Variants in SLC13A2 observed in about 807,000 individuals in gnomAD.
SLC13A2 encodes the protein solute carrier family 13 member 2, also known as Na(+)-coupled citrate transporter.
A neutral mutation model predicts 58.5 loss-of-function variants in SLC13A2; 40 were observed. The ratio of observed to expected loss-of-function variants is 0.68; its 90% CI spans 0.53 to 0.89. The LOEUF (loss-of-function observed/expected upper bound fraction) is 0.89. Ranked by LOEUF, SLC13A2 falls within the 40% of genes least tolerant of loss-of-function variation. The pLI, the probability that SLC13A2 is intolerant of heterozygous loss-of-function variation, is 0.00. For missense variants in SLC13A2, 694 were observed against 772.6 expected, an observed-to-expected ratio of 0.90 and a Z score of 1.21; for synonymous variants, 341 against 331.6, an observed-to-expected ratio of 1.03 and a Z score of -0.31.
chr17:28,477,530 GCACA>G lies in SLC13A2; in HGVS notation c.102+3719_102+3722del, dbSNP rs2068710146. ...TTTGAATGAAGAAAGGAAGGAATGTGCACACAGTGGATCCTGACCTGCATCCCTG... is the reference window on the plus strand; with the variant it reads ...TTTGAATGAAGAAAGGAAGGAATGTGCAGTGGATCCTGACCTGCATCCCTG... On this transcript the variant is annotated intron_variant, in intron 1 of 11. Coordinates refer to ENST00000314669, the MANE Select transcript of SLC13A2 (RefSeq NM_003984.4). 2.0e-5 allele frequency among the ~76,000 whole-genome samples: 3 copies of G among 152,026 alleles called. No homozygotes were observed. In the East Asian group the frequency reaches 5.9e-4, roughly 30 times the overall value.
At position 28,490,600 on chromosome 17, in the gene SLC13A2, T is replaced by C; in HGVS notation, c.368+10T>C. On this transcript the variant is annotated intron_variant, in intron 3 of 11. Transcript: ENST00000314669. ...GGGTGCGGCCTGCCCCGTGAGTTCCTCCTGCAAACCAGCACGGGAGAACCT... is the reference window on the plus strand; with the variant it reads ...GGGTGCGGCCTGCCCCGTGAGTTCCCCCTGCAAACCAGCACGGGAGAACCT... 1 of 1,593,306 alleles carries C rather than the reference T, an allele frequency of 6.3e-7. No individual in the cohort carries two copies. Among genetic ancestry groups the C allele is most frequent in the Non-Finnish European group, 8.6e-7 (1 of 1,165,776 alleles).
intron 4 of SLC13A2, 104 bp from the exon 5 acceptor site, chr17:28,491,333 G>A: frequency 7.8e-7 from 1 of 1,280,648 alleles, no homozygotes; most frequent in South Asian, 1.3e-5. Context: ...GCCCCGGTCT[G>A]GGCTGTTCAC....
Position 28,491,597 on chromosome 17 carries a change from G to A in SLC13A2, c.735G>A (p.Val245=). The A allele has an allele frequency of 1.9e-6, 3 of 1,613,370 alleles. No individual in the cohort carries two copies. The highest frequency in any genetic ancestry group is 2.5e-6 in the Non-Finnish European group (3 of 1,179,976). ...TGACTGGCACCGCACCCAACCTGGT[G>A]CTGCAAGGCCAGATCAACTCGTGAG... ...ATLTGTAPNL[V]LQGQINSLFP... The change falls in exon 5 of 12, where the codon GTG becomes GTA. Residue 245 remains valine (V), a synonymous_variant. Transcript: ENST00000314669.
At chr17:28,479,896 T>C (rs2068753374) in intron 1 of SLC13A2, among the ~76,000 whole-genome samples, 1 of 152,180 alleles carries the variant, frequency 6.6e-6, no homozygotes, top group Non-Finnish European at 1.5e-5. Context: ...GGCTCATGCC[T>C]GCAATCCCAG....
At chr17:28,490,972 C>A in intron 4 of SLC13A2, 66 bp downstream of exon 4, 1 of 1,420,350 alleles carries the variant, frequency 7.0e-7, no homozygotes, top group Non-Finnish European at 9.5e-7. Flanking sequence ...GAGGGTCTGT[C>A]CGTTTCGAGG....
At chr17:28,480,281 C>T (rs2068762059) in intron 1 of SLC13A2, among the ~76,000 whole-genome samples, 1 of 151,980 alleles carries the variant, frequency 6.6e-6, no homozygotes. Flanking sequence ...CTGAAGTGAG[C>T]AGTGATCATG....
intron 1 of SLC13A2, among the ~76,000 whole-genome samples, chr17:28,480,431 CA>C (rs2068763984): frequency 6.6e-6 from 1 of 152,202 alleles, no homozygotes; most frequent in Non-Finnish European, 1.5e-5. Context: ...GAAAACTATA[CA>C]AGGAATTTGG....
chr17:28,473,876 C>T (rs957471705), intron 1 of SLC13A2, 62 bp downstream of exon 1: 17 of 1,428,858 alleles, frequency 1.2e-5, no homozygotes, highest in East Asian at 7.1e-5. Context: ...CTGTCTGGGC[C>T]GGGGTTGGGC....
intron 1 of SLC13A2, among the ~76,000 whole-genome samples, chr17:28,475,815 G>A (rs1370477611): frequency 6.6e-6 from 1 of 152,048 alleles, no homozygotes; most frequent in Non-Finnish European, 1.5e-5. Flanking sequence ...TGACTCTGAG[G>A]TTCCTTCTCC....
intron 1 of SLC13A2, among the ~76,000 whole-genome samples, chr17:28,483,465 CAA>C (rs57271856): frequency 3.8e-4 from 53 of 138,982 alleles, no homozygotes; most frequent in African/African-American, 1.4e-3. Flanking sequence ...CTCATCTCTA[CAA>C]AAAAAAAAAA....
At chr17:28,490,303 G>T (rs1555602939) in intron 2 of SLC13A2, 151 bp from the exon 3 acceptor site, 3 of 1,580,132 alleles carry the variant, frequency 1.9e-6, no homozygotes, top group East Asian at 2.3e-5. Context: ...TTTTTAAATG[G>T]CAGATCATTC....
Position 28,474,367 on chromosome 17 carries a change from A to G in SLC13A2, c.102+553A>G, listed in dbSNP as rs199680768. On this transcript the variant is annotated intron_variant, in intron 1 of 11. Transcript: ENST00000314669. ...TGGAAGAGGGGACCGCTGCAGGTAG[A>G]CAGCACAAAAACTGTGCCCTGGATG... Among the ~76,000 whole-genome samples, 5 of 152,272 alleles carry G rather than the reference A, an allele frequency of 3.3e-5. No homozygotes were observed. In the East Asian group the frequency reaches 9.7e-4, roughly 29 times the overall value.
In SLC13A2 at chr17:28,495,697, C is replaced by T. The variant is rs1221545228; in HGVS notation, c.1351C>T (p.Leu451=). Residue 451 remains leucine (L), a synonymous_variant, in exon 10 of 12, where the codon CTG becomes TTG. Coordinates refer to ENST00000314669, the MANE Select transcript of SLC13A2 (RefSeq NM_003984.4). ...GTGGCTGGGAAACAAGCTGACCCCA[C>T]TGCAGAGTGTGCCAGCTCCAGCCAT... ...SEWLGNKLTP[L]QSVPAPAIAI... is the part of the protein sequence containing the mutation. The T allele has an allele frequency of 1.2e-6, 2 of 1,612,110 alleles. No individual in the cohort carries two copies. The highest frequency in any genetic ancestry group is 1.7e-5 in the Admixed American group (1 of 59,996).
rs144449087 is a variant in SLC13A2, at chr17:28,490,837, G to A, written c.505G>A (p.Glu169Lys). 1.1e-5 allele frequency: 18 copies of A among 1,613,998 alleles called. No homozygotes were observed. In the East Asian group the frequency reaches 1.6e-4, roughly 14 times the overall value. The part of the protein sequence containing the change: ...LHSSQASSNV[E>K]EGSNNPTFEL... ...CAGCTCGCAAGCCAGCAGCAACGTC[G>A]AGGAGGGCAGCAACAACCCCACCTT... The change falls in exon 4 of 12, where the codon GAG (glutamate) becomes AAG (lysine). Residue 169 changes from glutamate to lysine, a missense_variant. Transcript: ENST00000314669.
chr17:28,496,560 T>C lies in SLC13A2; in HGVS notation c.1581T>C (p.Ser527=). Residue 527 remains serine, a synonymous_variant, in exon 11 of 12, where the codon TCT becomes TCC. Coordinates refer to ENST00000314669, the MANE Select transcript of SLC13A2 (RefSeq NM_003984.4). The surrounding 1 kb of genome is among the most constrained non-coding windows in gnomAD (Gnocchi z 4.2). The part of the protein sequence containing the change: ...VATPPNAIVF[S]FGDLKVLDMA... ...CCCCGCCCAATGCCATCGTCTTCTC[T>C]TTCGGGGACCTCAAAGTGTTGGATA... is the stretch of plus-strand genomic sequence containing the variant. 2 of 1,613,726 alleles carry C rather than the reference T, an allele frequency of 1.2e-6. No homozygotes were observed. Among genetic ancestry groups the C allele is most frequent in the East Asian group, 2.2e-5 (1 of 44,854 alleles).
chr17:28,487,665 A>G, intron 1 of SLC13A2: 1 of 748,466 alleles, frequency 1.3e-6, no homozygotes, highest in Non-Finnish European at 1.6e-6. Context: ...GGGGAGGGTA[A>G]CTGGCCATTC....
intron 1 of SLC13A2, among the ~76,000 whole-genome samples, chr17:28,477,494 A>C (rs970800072): frequency 2.0e-5 from 3 of 150,332 alleles, no homozygotes; most frequent in South Asian, 2.2e-4. Flanking sequence ...ATGCCCGGCC[A>C]CCCCCAACTT....
chr17:28,489,443 G>A (rs2068957871), intron 2 of SLC13A2, 101 bp downstream of exon 2: 1 of 1,382,130 alleles, frequency 7.2e-7, no homozygotes, highest in Non-Finnish European at 9.7e-7. Context: ...CCATAGGCAG[G>A]GCACATGGAT....
intron 1 of SLC13A2, among the ~76,000 whole-genome samples, chr17:28,481,387 A>G (rs2068782358): frequency 6.6e-6 from 1 of 152,208 alleles, no homozygotes; most frequent in East Asian, 1.9e-4. Context: ...AGCAAAGGGT[A>G]GGAAGAGTCA....
Sources: allele counts gnomAD v4.1 joint callset (sites outside exome capture counted in the v4.1 genomes callset), GRCh38; gene constraint gnomAD v4.1.1; non-coding constraint Gnocchi (gnomAD v3.1); transcripts MANE v1.5; gene names NCBI Gene and HGNC (gene_info 2026-07-23, HGNC 2026-07-21).